NBEAL1: variants seen among roughly 807,000 people sequenced by gnomAD.
NBEAL1 encodes neurobeachin like 1, also known as neurobeachin-like protein 1.
A neutral mutation model predicts 351.3 loss-of-function variants in NBEAL1; 273 were observed. That is an observed-to-expected ratio of 0.78 (90% CI 0.70 to 0.86). NBEAL1 has a LOEUF of 0.86. Among genes scored for constraint, NBEAL1 ranks in the 40% least tolerant of loss-of-function variants. The probability of loss-of-function intolerance (pLI) is 0.00; values close to 1 mark genes in which losing one functional copy is unlikely to be tolerated. For synonymous variants in NBEAL1, 1,050 were observed against 1,086.4 expected, an observed-to-expected ratio of 0.97 and a Z score of 0.66; for missense variants, 2,961 against 3,201.3, an observed-to-expected ratio of 0.92 and a Z score of 1.81.
rs2065680054 is a variant in NBEAL1, at chr2:203,208,661, T to TCTAAACCTTTTCAGATTCTTTATGGA, written c.7533_7558dup (p.His2520LeufsTer15). 1 of 1,611,950 alleles carries TCTAAACCTTTTCAGATTCTTTATGGA rather than the reference T, an allele frequency of 6.2e-7. No homozygotes were observed. The highest frequency in any genetic ancestry group is 8.5e-7 in the Non-Finnish European group (1 of 1,179,500). On this transcript the variant is annotated frameshift_variant, in exon 52 of 56. Transcript: ENST00000683969. LOFTEE classifies it high-confidence loss of function. Reference sequence around the variant, plus strand: ...GGGAGGTGTTCCTGTGGGCTTAGCATCTAAACCTTTTCAGATTCTTTATGG... The same window carrying TCTAAACCTTTTCAGATTCTTTATGGA: ...GGGAGGTGTTCCTGTGGGCTTAGCATCTAAACCTTTTCAGATTCTTTATGGACTAAACCTTTTCAGATTCTTTATGG...
At chr2:203,074,206 A>G (rs1423100546) in intron 7 of NBEAL1, among the ~76,000 whole-genome samples, 1 of 152,132 alleles carries the variant, frequency 6.6e-6, no homozygotes, top group Non-Finnish European at 1.5e-5. Context: ...CACCATAAAT[A>G]TATGCAATTT....
chr2:203,208,568 A>C, intron 51 of NBEAL1, 69 bp from the exon 52 acceptor site: 1 of 1,038,452 alleles, frequency 9.6e-7, no homozygotes. Context: ...GTTTAAATGC[A>C]ATATAAACCT....
chr2:203,046,637 C>T (rs2061231576), intron 3 of NBEAL1, among the ~76,000 whole-genome samples: 1 of 152,158 alleles, frequency 6.6e-6, no homozygotes, highest in Non-Finnish European at 1.5e-5. Context: ...TGTGTCCTTA[C>T]ACAGCAGAGG....
chr2:203,025,819 T>A (rs1574860909), intron 2 of NBEAL1, among the ~76,000 whole-genome samples: 1 of 152,320 alleles, frequency 6.6e-6, no homozygotes, highest in African/African-American at 2.4e-5. Context: ...TTCCATGATA[T>A]GAGTCAGTAC....
chr2:203,015,887 G>C (rs2060671014), intron 1 of NBEAL1: 1 of 152,450 alleles, frequency 6.6e-6, no homozygotes, highest in Admixed American at 6.5e-5. Context: ...AGGGAGTCTT[G>C]CTCCTTATTC....
intron 35 of NBEAL1, among the ~76,000 whole-genome samples, chr2:203,155,621 C>CT (rs886563614): frequency 6.6e-6 from 1 of 151,734 alleles, no homozygotes; most frequent in African/African-American, 2.4e-5. Flanking sequence ...AATTTTTAAA[C>CT]TTTTTTTGTA....
intron 31 of NBEAL1, among the ~76,000 whole-genome samples, chr2:203,140,840 C>G (rs2063348902): frequency 6.6e-6 from 1 of 152,052 alleles, no homozygotes; most frequent in Non-Finnish European, 1.5e-5. Context: ...CAGTTTGAGA[C>G]AAGCCTGGCC....
chr2:203,119,507 C>T (rs2062782075), intron 18 of NBEAL1, among the ~76,000 whole-genome samples: 1 of 143,710 alleles, frequency 7.0e-6, no homozygotes, highest in Non-Finnish European at 1.5e-5. Context: ...CTCACTGCAA[C>T]CTCCGCTTCC....
At chr2:203,069,510 A>G (rs1303302672) in intron 7 of NBEAL1, among the ~76,000 whole-genome samples, 1 of 152,226 alleles carries the variant, frequency 6.6e-6, no homozygotes, top group Admixed American at 6.5e-5. Context: ...GTGAGGTTAT[A>G]AAATCAAATT....
chr2:203,183,411 T>C lies in NBEAL1; in HGVS notation c.6705+23T>C, dbSNP rs2064791829. The C allele has an allele frequency of 5.5e-6, 7 of 1,268,770 alleles. No individual in the cohort carries two copies. In the East Asian group the frequency reaches 1.7e-4, roughly 30 times the overall value. 78.6% of individuals were successfully genotyped at this position (1,268,770 alleles called of 1,614,324 possible). A position where few individuals can be genotyped will look rare whatever the true frequency, so the allele number is the denominator to read the frequency against. ...TTGGTAAGAGTTTTGCATTTAGTTATTTGACAGAATAATAAGATAAAAGAT... is the reference window on the plus strand; with the variant it reads ...TTGGTAAGAGTTTTGCATTTAGTTACTTGACAGAATAATAAGATAAAAGAT... On this transcript the variant is annotated intron_variant, in intron 44 of 55. Transcript: ENST00000683969.
Position 203,158,145 on chromosome 2 carries a change from G to A in NBEAL1, c.5714+320G>A, listed in dbSNP as rs572896794. On this transcript the variant is annotated intron_variant, in intron 36 of 55. Transcript: ENST00000683969. ...ACAAAATATAAACTGTTAAGCAAAA[G>A]AAATAGCATTATAAAGACAAAGCAG... 4.6e-5 allele frequency among the ~76,000 whole-genome samples: 7 copies of A among 152,080 alleles called. No individual in the cohort carries two copies. In the East Asian group the frequency reaches 1.2e-3, roughly 25 times the overall value.
At chr2:203,126,532 G>T in intron 21 of NBEAL1, 25 bp from the exon 22 acceptor site, 1 of 1,424,346 alleles carries the variant, frequency 7.0e-7, no homozygotes, top group South Asian at 1.7e-5. Context: ...TGAACTATAT[G>T]AAACCCTCTT....
At chr2:203,178,149 C>CTTTTTTT (rs144941229) in intron 42 of NBEAL1, among the ~76,000 whole-genome samples, 1 of 146,260 alleles carries the variant, frequency 6.8e-6, no homozygotes, top group African/African-American at 2.5e-5. Context: ...TCATACCAGC[C>CTTTTTTT]TTTTTTTTTT....
At position 203,171,849 on chromosome 2, in the gene NBEAL1, G is replaced by A. The variant is rs1389108034; in HGVS notation, c.6103-79G>A. 8 of 564,704 alleles carry A rather than the reference G, an allele frequency of 1.4e-5. No individual in the cohort carries two copies. The East Asian group carries it at 2.2e-4, about 16-fold the overall frequency. 35.0% of individuals were successfully genotyped at this position (564,704 alleles called of 1,614,324 possible). A position where few individuals can be genotyped will look rare whatever the true frequency, so the allele number is the denominator to read the frequency against. ...TTTTTTTTTTTTTAGCCCATTCTTG[G>A]TACTGTCAGTAATAGCTACCAATGT... On this transcript the variant is annotated intron_variant, in intron 39 of 55. Coordinates refer to ENST00000683969, the MANE Select transcript of NBEAL1 (RefSeq NM_001378026.1).
At chr2:203,016,891 C>A (rs2060689629) in intron 2 of NBEAL1, among the ~76,000 whole-genome samples, 1 of 152,154 alleles carries the variant, frequency 6.6e-6, no homozygotes, top group African/African-American at 2.4e-5. Context: ...TAAGTTAGCA[C>A]TCTTTGAGCA....
At chr2:203,188,328 A>T (rs2064971675) in intron 44 of NBEAL1, 144 bp from the exon 45 acceptor site, 1 of 486,684 alleles carries the variant, frequency 2.1e-6, no homozygotes, top group South Asian at 5.0e-5. Context: ...AATGCTTGCC[A>T]TTATTTTGAG....
chr2:203,063,011 A>G (rs1422091015), intron 6 of NBEAL1, among the ~76,000 whole-genome samples: 1 of 152,226 alleles, frequency 6.6e-6, no homozygotes, highest in Non-Finnish European at 1.5e-5. Context: ...ATTTAATTAA[A>G]ATTAACATAA....
At chr2:203,014,824 G>GGCA (rs2060648991), upstream of NBEAL1, 1 of 152,346 alleles carries the variant, frequency 6.6e-6, no homozygotes, top group East Asian at 1.9e-4. Context: ...TAGCCCAGGG[G>GGCA]GCAGCCCCGC....
intron 10 of NBEAL1, among the ~76,000 whole-genome samples, chr2:203,086,701 A>C (rs2061967128): frequency 6.6e-6 from 1 of 152,008 alleles, no homozygotes; most frequent in Non-Finnish European, 1.5e-5. Context: ...TGCCTGGCTA[A>C]TCTTTGTATT....
Sources: allele counts gnomAD v4.1 joint callset (sites outside exome capture counted in the v4.1 genomes callset), GRCh38; gene constraint gnomAD v4.1.1; transcripts MANE v1.5; gene names NCBI Gene and HGNC (gene_info 2026-07-23, HGNC 2026-07-21).